TAB2: variants seen among roughly 807,000 people sequenced by gnomAD.
TAB2 encodes TGF-beta activated kinase 1 (MAP3K7) binding protein 2.
In TAB2, 3 loss-of-function variants were observed where a neutral mutation model predicts 65.0. The observed-to-expected ratio is 0.05, with a 90% CI of 0.02 to 0.12. TAB2 has a LOEUF of 0.12. Among genes scored for constraint, TAB2 ranks in the 10% least tolerant of loss-of-function variants. TAB2 has a pLI of 1.00. For synonymous variants in TAB2, 298 were observed against 285.1 expected, an observed-to-expected ratio of 1.05 and a Z score of -0.46; for missense variants, 623 against 840.3, an observed-to-expected ratio of 0.74 and a Z score of 3.20.
At chr6:149,309,384 C>T (rs989980831) in intron 1 of TAB2, among the ~76,000 whole-genome samples, 5 of 151,706 alleles carry the variant, frequency 3.3e-5, no homozygotes, top group Non-Finnish European at 7.4e-5. Context: ...GCCTCCCCAC[C>T]CCAACACCAA....
intron 1 of TAB2, among the ~76,000 whole-genome samples, chr6:149,298,522 G>A (rs534717165): frequency 5.9e-5 from 9 of 152,234 alleles, no homozygotes; most frequent in South Asian, 4.1e-4. Context: ...TAGCTACCCC[G>A]GAGGCTGAGG....
In TAB2 at chr6:149,350,993, T is replaced by A. The variant is rs149781859; in HGVS notation, c.-89-18916T>A. 5.3e-3 allele frequency among the ~76,000 whole-genome samples: 801 copies of A among 152,216 alleles called. 4 individuals are homozygous for A. The highest frequency in any genetic ancestry group is 0.018 in the African/African-American group (760 of 41,522). On this transcript the variant is annotated intron_variant, in intron 1 of 6. Coordinates refer to ENST00000637181, the MANE Select transcript of TAB2 (RefSeq NM_001292034.3). ...TGTAACTACCCCCATCCTGAGTACC[T>A]TCTTCATAATCCCCTTCTTTCCTCT... is the stretch of plus-strand genomic sequence containing the variant.
At chr6:149,395,349 C>T (rs975423189) in intron 3 of TAB2, among the ~76,000 whole-genome samples, 1 of 152,166 alleles carries the variant, frequency 6.6e-6, no homozygotes, top group South Asian at 2.1e-4. Flanking sequence ...TTGGAATTAT[C>T]CCTGTCTGGT....
intron 1 of TAB2, among the ~76,000 whole-genome samples, chr6:149,342,143 T>A (rs932653130): frequency 1.3e-5 from 2 of 152,188 alleles, no homozygotes; most frequent in African/African-American, 4.8e-5. Context: ...TTTGCCTCCC[T>A]CTTTAAGAAT....
chr6:149,335,481 C>G (rs1779906979), intron 1 of TAB2, among the ~76,000 whole-genome samples: 1 of 152,056 alleles, frequency 6.6e-6, no homozygotes, highest in Admixed American at 6.6e-5. Flanking sequence ...TAACCTCCCA[C>G]CTTAGCCTCC....
upstream of TAB2, among the ~76,000 whole-genome samples, chr6:149,312,857 T>C (rs1430209686): frequency 6.6e-6 from 1 of 152,220 alleles, no homozygotes; most frequent in Non-Finnish European, 1.5e-5. Flanking sequence ...TTATTTTTTA[T>C]GGTGAGAACA....
intron 1 of TAB2, among the ~76,000 whole-genome samples, chr6:149,249,719 C>T (rs905089817): frequency 6.6e-6 from 1 of 152,112 alleles, no homozygotes; most frequent in Non-Finnish European, 1.5e-5. Flanking sequence ...CTCAGGCTCC[C>T]GCTTTCCTGT....
chr6:149,392,749 A>G (rs1475780604), intron 3 of TAB2, among the ~76,000 whole-genome samples: 1 of 152,032 alleles, frequency 6.6e-6, no homozygotes, highest in Admixed American at 6.5e-5. Flanking sequence ...TACCTTTTTC[A>G]TTCATACCTC....
chr6:149,378,507 C>A lies in TAB2; in HGVS notation c.592C>A (p.His198Asn). The change falls in exon 3 of 7, where the codon CAT (histidine) becomes AAT (asparagine). Residue 198 changes from histidine to asparagine, a missense_variant. Coordinates refer to ENST00000637181, the MANE Select transcript of TAB2 (RefSeq NM_001292034.3). The part of the protein sequence containing the change: ...GRNTPTSLHI[H>N]GVPPPVLNSP... ...TAATACTCCTACATCTTTGCACATA[C>A]ATGGTGTACCTCCACCTGTACTTAA... 6.2e-7 allele frequency: 1 copy of A among 1,614,216 alleles called. No individual in the cohort carries two copies. The highest frequency in any genetic ancestry group is 1.7e-5 in the Admixed American group (1 of 60,018).
chr6:149,254,134 G>T (rs1196837371), intron 1 of TAB2, among the ~76,000 whole-genome samples: 2 of 145,140 alleles, frequency 1.4e-5, no homozygotes, highest in African/African-American at 5.2e-5. Flanking sequence ...GGAAGGGAAA[G>T]GAAAGGAAAG....
At chr6:149,267,459 T>C (rs530765432) in intron 1 of TAB2, among the ~76,000 whole-genome samples, 1 of 152,350 alleles carries the variant, frequency 6.6e-6, no homozygotes, top group Non-Finnish European at 1.5e-5. Context: ...GCTTGATAAC[T>C]GGCATGATAT....
chr6:149,280,052 A>G (rs1364369029), intron 1 of TAB2, among the ~76,000 whole-genome samples: 1 of 152,152 alleles, frequency 6.6e-6, no homozygotes, highest in Non-Finnish European at 1.5e-5. Context: ...ATCTTACCTA[A>G]TTTATTGCTA....
intron 1 of TAB2, among the ~76,000 whole-genome samples, chr6:149,268,323 C>T (rs1160005581): frequency 6.6e-6 from 1 of 152,178 alleles, no homozygotes; most frequent in East Asian, 1.9e-4. Context: ...AAAAGCACAT[C>T]CAGAAGTTAG....
At chr6:149,292,666 GATGACATATGTCAAAAA>G (rs1365252469) in intron 1 of TAB2, among the ~76,000 whole-genome samples, 1 of 152,108 alleles carries the variant, frequency 6.6e-6, no homozygotes, top group Non-Finnish European at 1.5e-5. Flanking sequence ...ATGTCATAAA[GATGACATATGTCAAAAA>G]ATGACATAAA....
chr6:149,294,365 G>T (rs1036043456), intron 1 of TAB2, among the ~76,000 whole-genome samples: 2 of 152,110 alleles, frequency 1.3e-5, no homozygotes, highest in African/African-American at 2.4e-5. Context: ...TTCTTCTCAG[G>T]ACACCAATTA....
intron 1 of TAB2, among the ~76,000 whole-genome samples, chr6:149,250,809 T>A (rs1038839322): frequency 6.6e-6 from 1 of 152,214 alleles, no homozygotes. Context: ...AAATCTTGGT[T>A]ATTCTTGGGA....
In TAB2 at chr6:149,305,120, G is replaced by A. The variant is rs1779039091; in HGVS notation, c.-120-72898G>A. ...TTTCCATCTACAATTGGTTGGATCT[G>A]TGGATGTGGAACCCACAGATACAGA... is the stretch of plus-strand genomic sequence containing the variant. On this transcript the variant is annotated intron_variant, in intron 1 of 1. Coordinates refer to the TAB2 transcript ENST00000606202. 2.0e-5 allele frequency among the ~76,000 whole-genome samples: 3 copies of A among 152,246 alleles called. No homozygotes were observed. The South Asian group carries it at 6.2e-4, about 32-fold the overall frequency.
intron 1 of TAB2, among the ~76,000 whole-genome samples, chr6:149,293,929 G>T (rs142124516): frequency 2.0e-4 from 31 of 152,130 alleles, no homozygotes; most frequent in Admixed American, 7.9e-4. Flanking sequence ...GGCAGATAGA[G>T]ACTAGAGAGT....
At chr6:149,357,994 C>T (rs1364809951) in intron 1 of TAB2, among the ~76,000 whole-genome samples, 1 of 152,228 alleles carries the variant, frequency 6.6e-6, no homozygotes, top group Non-Finnish European at 1.5e-5. Context: ...AGCCATCACG[C>T]CCGGCCTTTT....
Sources: gnomAD v4.1 joint callset for allele counts (sites outside exome capture counted in the v4.1 genomes callset) on GRCh38, gnomAD v4.1.1 for gene constraint, MANE v1.5 for transcripts, NCBI Gene and HGNC (gene_info 2026-07-23, HGNC 2026-07-21) for gene names.